NPAS3: variants seen among roughly 807,000 people sequenced by gnomAD.
The protein encoded by NPAS3 is neuronal PAS domain protein 3.
Under a neutral mutation model 73.1 loss-of-function variants are expected in NPAS3, and 14 were observed. The observed-to-expected ratio is 0.19, with a 90% CI of 0.13 to 0.30. NPAS3 has a LOEUF of 0.30. Among genes scored for constraint, NPAS3 ranks in the 10% least tolerant of loss-of-function variants. The pLI is 1.00. For missense variants in NPAS3, 1,096 were observed against 1,250.0 expected (o/e 0.88, Z 1.86); for synonymous variants, 620 against 541.5 (o/e 1.14, Z -2.01).
chr14:33,522,222 C>T (rs771967581), intron 4 of NPAS3, among the ~76,000 whole-genome samples: 1 of 152,146 alleles, frequency 6.6e-6, no homozygotes, highest in African/African-American at 2.4e-5. Flanking sequence ...ATTCACGTGA[C>T]ACGTGATATC....
chr14:33,362,119 T>C (rs1447926439), intron 3 of NPAS3, among the ~76,000 whole-genome samples: 3 of 152,188 alleles, frequency 2.0e-5, no homozygotes. Context: ...CAACAGAATT[T>C]CAGTTGTCAT....
chr14:33,039,053 T>A (rs1028413181), intron 1 of NPAS3, among the ~76,000 whole-genome samples: 1 of 152,150 alleles, frequency 6.6e-6, no homozygotes, highest in Admixed American at 6.5e-5. Flanking sequence ...ATGTGTGACA[T>A]CAAAGATTTA....
chr14:33,717,230 CAAAAAAAAAAA>C (rs35800734), intron 6 of NPAS3, among the ~76,000 whole-genome samples: 4 of 102,218 alleles, frequency 3.9e-5, no homozygotes, highest in Non-Finnish European at 8.2e-5. Context: ...TGATCATGGC[CAAAAAAAAAAA>C]AAAAAAAAAT....
chr14:33,197,269 TC>T (rs1454775051), intron 2 of NPAS3, among the ~76,000 whole-genome samples: 3 of 20,804 alleles, frequency 1.4e-4, no homozygotes, highest in African/African-American at 3.0e-4. Flanking sequence ...GTGTGTGTGT[TC>T]TTTTTCAATT....
intron 3 of NPAS3, among the ~76,000 whole-genome samples, chr14:33,310,053 C>T (rs1470290447): frequency 2.0e-5 from 3 of 152,082 alleles, no homozygotes; most frequent in African/African-American, 7.2e-5. Context: ...GAAATGTAGC[C>T]ATAAAATGTA....
intron 5 of NPAS3, among the ~76,000 whole-genome samples, chr14:33,629,808 C>T (rs2058329664): frequency 6.6e-6 from 1 of 151,906 alleles, no homozygotes; most frequent in South Asian, 2.1e-4. Context: ...ACCTACATCA[C>T]AGGACTTGGT....
chr14:33,265,473 G>A (rs2049135755), intron 3 of NPAS3, among the ~76,000 whole-genome samples: 1 of 149,912 alleles, frequency 6.7e-6, no homozygotes, highest in South Asian at 2.2e-4. Context: ...AACCTTTTCT[G>A]TGATATTTGG....
chr14:33,275,017 TC>T (rs2041263536), intron 3 of NPAS3, among the ~76,000 whole-genome samples: 1 of 152,228 alleles, frequency 6.6e-6, no homozygotes, highest in Non-Finnish European at 1.5e-5. Flanking sequence ...GCTGCTTTTC[TC>T]TTGACCCTTT....
intron 4 of NPAS3, among the ~76,000 whole-genome samples, chr14:33,378,644 TAAATA>T (rs911316293): frequency 3.9e-5 from 6 of 152,000 alleles, no homozygotes; most frequent in Admixed American, 1.3e-4. Context: ...TCAAAAAAAA[TAAATA>T]AAATAAAAAA....
At chr14:33,223,846 AAT>A (rs1491243033) in intron 3 of NPAS3, among the ~76,000 whole-genome samples, 21 of 152,000 alleles carry the variant, frequency 1.4e-4, no homozygotes, top group Admixed American at 5.2e-4. Flanking sequence ...CAAAAAAAAA[AAT>A]TTTTTTTTGT....
rs192526749 is a variant in NPAS3 at position 33,185,275 on chromosome 14, G to A, written c.141-29907G>A. On this transcript the variant is annotated intron_variant, in intron 2 of 11. Coordinates refer to ENST00000356141, the Ensembl canonical transcript of NPAS3. ...TATTTTCTTATCCCATATTTGTGGC[G>A]TTATCTGCCTTTTTTCTCCTTGAGA... Among the ~76,000 whole-genome samples the A allele has an allele frequency of 2.5e-4, 38 of 152,220 alleles. 1 individual carries two copies. In the Middle Eastern group the frequency reaches 0.014, roughly 55 times the overall value.
chr14:33,095,230 G>A (rs2042367800), intron 2 of NPAS3, among the ~76,000 whole-genome samples: 2 of 152,196 alleles, frequency 1.3e-5, no homozygotes, highest in Non-Finnish European at 2.9e-5. Context: ...TGCAATGAGT[G>A]TGTGTGGTCT....
intron 4 of NPAS3, among the ~76,000 whole-genome samples, chr14:33,486,268 TC>T (rs1316285697): frequency 6.6e-6 from 1 of 152,094 alleles, no homozygotes; most frequent in Non-Finnish European, 1.5e-5. Context: ...TTTCCACCTG[TC>T]CCCAAATTTC....
intron 1 of NPAS3, among the ~76,000 whole-genome samples, chr14:33,039,024 T>C (rs1041105322): frequency 4.6e-5 from 7 of 152,178 alleles, no homozygotes; most frequent in African/African-American, 1.7e-4. Context: ...ATGACATATT[T>C]GGATGTCATC....
chr14:33,253,555 G>A (rs1479556804), intron 3 of NPAS3, among the ~76,000 whole-genome samples: 1 of 151,934 alleles, frequency 6.6e-6, no homozygotes, highest in Non-Finnish European at 1.5e-5. Flanking sequence ...TTTTCACCCT[G>A]CTTATTACTA....
At chr14:33,073,621 A>G (rs2041560000) in intron 2 of NPAS3, among the ~76,000 whole-genome samples, 1 of 152,260 alleles carries the variant, frequency 6.6e-6, no homozygotes, top group East Asian at 1.9e-4. Flanking sequence ...AAGGTAATGA[A>G]CAAGCCACGT....
At chr14:33,274,961 A>G (rs961375072) in intron 3 of NPAS3, among the ~76,000 whole-genome samples, 1 of 152,210 alleles carries the variant, frequency 6.6e-6, no homozygotes, top group African/African-American at 2.4e-5. Context: ...TAGATGCACG[A>G]TAGTGGCAGT....
At chr14:33,761,763 T>C (rs1330043303) in intron 7 of NPAS3, among the ~76,000 whole-genome samples, 1 of 152,144 alleles carries the variant, frequency 6.6e-6, no homozygotes, top group Non-Finnish European at 1.5e-5. Context: ...GTTCTTACGT[T>C]CGAGGGAATA....
At chr14:33,779,682 C>T (rs933254435) in intron 9 of NPAS3, among the ~76,000 whole-genome samples, 1 of 152,186 alleles carries the variant, frequency 6.6e-6, no homozygotes. Context: ...AGCTTTTGGT[C>T]TAGGAGCATT....
Sources: gnomAD v4.1 joint callset for allele counts (sites outside exome capture counted in the v4.1 genomes callset) on GRCh38, gnomAD v4.1.1 for gene constraint, MANE v1.5 for transcripts, NCBI Gene and HGNC (gene_info 2026-07-23, HGNC 2026-07-21) for gene names.